The following SMTN variants were observed in gnomAD, a reference collection of about 807,000 sequenced individuals.
SMTN encodes smoothelin.
A neutral mutation model predicts 102.0 loss-of-function variants in SMTN; 58 were observed. The observed-to-expected ratio is 0.57, with a 90% CI of 0.46 to 0.71. The LOEUF (loss-of-function observed/expected upper bound fraction) is 0.71, where lower values mean the gene tolerates loss of function less well. SMTN is among the 30% of genes least tolerant of loss of function. SMTN has a pLI of 0.00. For synonymous variants in SMTN, 478 were observed against 497.9 expected (o/e 0.96, Z 0.53); for missense variants, 1,185 against 1,241.7 (o/e 0.95, Z 0.69).
At position 31,099,725 on chromosome 22, in the gene SMTN, A is replaced by G; in HGVS notation, c.2452-20A>G. 1.2e-6 allele frequency: 2 copies of G among 1,611,420 alleles called. No homozygotes were observed. The highest frequency in any genetic ancestry group is 1.7e-6 in the Non-Finnish European group (2 of 1,178,048). Reference sequence around the variant, plus strand: ...GGGAGTTGCCCCCAGGTTCCTGACCAGTCCTCCTACGGCTTATAGCACGTC... The same window carrying G: ...GGGAGTTGCCCCCAGGTTCCTGACCGGTCCTCCTACGGCTTATAGCACGTC... On this transcript the variant is annotated intron_variant, in intron 18 of 20. Transcript: ENST00000333137.
intron 15 of SMTN, 96 bp from the exon 16 acceptor site, chr22:31,097,173 G>A: frequency 6.7e-7 from 1 of 1,492,540 alleles, no homozygotes; most frequent in South Asian, 1.1e-5. Flanking sequence ...TCTCTTCTCT[G>A]CCTGCGGCTA....
chr22:31,073,262 C>CGCAT (rs2042050560), intron 1 of SMTN, among the ~76,000 whole-genome samples: 1 of 152,088 alleles, frequency 6.6e-6, no homozygotes. Flanking sequence ...TACACACGCA[C>CGCAT]GCACGCATGC....
chr22:31,076,574 T>C (rs1337741933), upstream of SMTN, among the ~76,000 whole-genome samples: 1 of 152,236 alleles, frequency 6.6e-6, no homozygotes, highest in Non-Finnish European at 1.5e-5. Context: ...TGGTATGCCA[T>C]AGGCACTCAA....
Position 31,090,886 on chromosome 22 carries a change from C to T in SMTN, c.937+7C>T. 6.2e-7 allele frequency: 1 copy of T among 1,613,882 alleles called. No homozygotes were observed. Among genetic ancestry groups the T allele is most frequent in the Non-Finnish European group, 8.5e-7 (1 of 1,179,856 alleles). ...CAACCAGCCCAGAACCGAGGTACTA[C>T]CTATTCTCACCCTGCCTAGGATCTG... On this transcript the variant is annotated splice_region_variant and intron_variant, in intron 9 of 20. Transcript: ENST00000333137.
Position 31,090,951 on chromosome 22 carries a change from T to C in SMTN, c.938-10T>C, listed in dbSNP as rs780602248. ...CACCCAGTTGCTGACAGCCCTCCTG[T>C]TCCTTCTAGAGTCCACCCCCCTTGC... On this transcript the variant is annotated splice_polypyrimidine_tract_variant and intron_variant, in intron 9 of 20. Coordinates refer to ENST00000333137, the MANE Select transcript of SMTN (RefSeq NM_134269.3). The C allele has an allele frequency of 8.7e-6, 14 of 1,612,808 alleles. No individual in the cohort carries two copies. The African/African-American group carries it at 1.7e-4, about 20-fold the overall frequency.
At position 31,099,902 on chromosome 22, in the gene SMTN, T is replaced by A. The variant is rs1157919340; in HGVS notation, c.2603+6T>A. ...GTGGCCTTCTCATCTGCGGAGTAAGTGTGGGCCCTGGCCCTGCTAATGTTG... is the reference window on the plus strand; with the variant it reads ...GTGGCCTTCTCATCTGCGGAGTAAGAGTGGGCCCTGGCCCTGCTAATGTTG... On this transcript the variant is annotated splice_donor_region_variant and intron_variant, in intron 19 of 20. Transcript: ENST00000333137. 1 of 1,613,476 alleles carries A rather than the reference T, an allele frequency of 6.2e-7. No homozygotes were observed. The highest frequency in any genetic ancestry group is 2.2e-5 in the East Asian group (1 of 44,886).
chr22:31,082,548 G>T, intron 1 of SMTN: 1 of 500,688 alleles, frequency 2.0e-6, no homozygotes, highest in South Asian at 1.5e-5. Flanking sequence ...GGGCAGGTCA[G>T]CTTCTGAAAG....
chr22:31,088,793 C>T lies in SMTN; in HGVS notation c.373+16C>T, dbSNP rs371447675. On this transcript the variant is annotated intron_variant, in intron 5 of 20. Coordinates refer to ENST00000333137, the MANE Select transcript of SMTN (RefSeq NM_134269.3). Reference sequence around the variant, plus strand: ...GAGATTGAGGGTATGTGGCCTGTCCCGGCCCCACCCCTGCCCTGCTGTCTG... The same window carrying T: ...GAGATTGAGGGTATGTGGCCTGTCCTGGCCCCACCCCTGCCCTGCTGTCTG... 1.4e-4 allele frequency: 231 copies of T among 1,611,022 alleles called. No homozygotes were observed. The highest frequency in any genetic ancestry group is 4.0e-4 in the Admixed American group (24 of 59,588).
chr22:31,084,987 C>T, intron 2 of SMTN: 2 of 1,470,420 alleles, frequency 1.4e-6, no homozygotes, highest in Non-Finnish European at 1.8e-6. Flanking sequence ...TCCGCCCGCC[C>T]TGCGCCCCAG....
Position 31,095,136 on chromosome 22 carries a change from C to G in SMTN, c.1633-167C>G, listed in dbSNP as rs1202739515. Among the ~76,000 whole-genome samples the G allele has an allele frequency of 6.6e-6, 1 of 152,236 alleles. No homozygotes were observed. The highest frequency in any genetic ancestry group is 1.5e-5 in the Non-Finnish European group (1 of 68,044). ...TACAACAAAACTGTCAGTGCCTCTTCCCTGACTGACGCTGACATGGCCATC... is the reference window on the plus strand; with the variant it reads ...TACAACAAAACTGTCAGTGCCTCTTGCCTGACTGACGCTGACATGGCCATC... On this transcript the variant is annotated intron_variant, in intron 11 of 20. Transcript: ENST00000333137. The surrounding 1 kb of genome is among the most constrained non-coding windows in gnomAD (Gnocchi z 4.1).
chr22:31,075,423 G>A (rs2042105027), intron 1 of SMTN, among the ~76,000 whole-genome samples: 1 of 152,188 alleles, frequency 6.6e-6, no homozygotes, highest in Non-Finnish European at 1.5e-5. Flanking sequence ...CAGGCGCGGT[G>A]TAATCCCAGC....
rs2043534089 is a variant in SMTN, at chr22:31,095,723, TC to T, written c.1861+115del. ...AGCTTAATAACTGCCCTACCCAGCT[TC>T]TCCTTCTCTAGACCCAGCAGTTCCC... is the stretch of plus-strand genomic sequence containing the variant. On this transcript the variant is annotated intron_variant, in intron 13 of 20. Coordinates refer to ENST00000333137, the MANE Select transcript of SMTN (RefSeq NM_134269.3). This position sits in a 1 kb window ranked among gnomAD's most constrained non-coding sequence, Gnocchi z 4.1. 1 of 879,682 alleles carries T rather than the reference TC, an allele frequency of 1.1e-6. No individual in the cohort carries two copies. Among genetic ancestry groups the T allele is most frequent in the African/African-American group, 1.7e-5 (1 of 59,916 alleles). 54.5% of individuals were successfully genotyped at this position (879,682 alleles called of 1,614,324 possible). A position where few individuals can be genotyped will look rare whatever the true frequency, so the allele number is the denominator to read the frequency against.
rs2044349072 is a variant in SMTN, at chr22:31,104,588, A to G, written c.*293A>G. 2 of 923,628 alleles carry G rather than the reference A, an allele frequency of 2.2e-6. No homozygotes were observed. The highest frequency in any genetic ancestry group is 1.6e-5 in the African/African-American group (1 of 61,080). 57.2% of individuals were successfully genotyped at this position (923,628 alleles called of 1,614,324 possible). ...TTGCGACACCCTCCCCCCCACATAC[A>G]CACGCAGCGTTTTGATAAATTATTG... On this transcript the variant is annotated 3_prime_UTR_variant, in exon 21 of 21. Coordinates refer to ENST00000333137, the MANE Select transcript of SMTN (RefSeq NM_134269.3).
At chr22:31,092,182 C>T (rs963150821) in intron 11 of SMTN, among the ~76,000 whole-genome samples, 1 of 152,226 alleles carries the variant, frequency 6.6e-6, no homozygotes. Context: ...GTGGTAAGGG[C>T]TTGCTCCCCT....
At chr22:31,084,925 A>T in intron 2 of SMTN, 1 of 1,341,192 alleles carries the variant, frequency 7.5e-7, no homozygotes, top group Middle Eastern at 2.8e-4. Flanking sequence ...GGGCGTCCCG[A>T]GCCGGGCTCC....
intron 1 of SMTN, among the ~76,000 whole-genome samples, chr22:31,069,440 T>G (rs1235936223): frequency 6.6e-6 from 1 of 152,212 alleles, no homozygotes; most frequent in Non-Finnish European, 1.5e-5. Flanking sequence ...AGATGGGGAT[T>G]GCCATGTGAA....
rs769982520 is a variant in SMTN, at chr22:31,090,223, CT to C, written c.865+44del. ...GGTAGTCACAGGCATCTTTCTTCCC[CT>C]CCCCCTGCCTCCCTTTCCCTGCCTA... On this transcript the variant is annotated intron_variant, in intron 8 of 20. Coordinates refer to ENST00000333137, the MANE Select transcript of SMTN (RefSeq NM_134269.3). 4.5e-5 allele frequency: 67 copies of C among 1,479,818 alleles called. 1 individual carries two copies. The Middle Eastern group carries it at 1.4e-3, about 32-fold the overall frequency. The allele number at this position is 1,479,818 out of a possible 1,614,324, so 91.7% of individuals were successfully genotyped here. A position where few individuals can be genotyped will look rare whatever the true frequency, so the allele number is the denominator to read the frequency against.
chr22:31,093,920 C>T (rs759782458), intron 11 of SMTN: 2 of 1,302,746 alleles, frequency 1.5e-6, no homozygotes, highest in Non-Finnish European at 2.1e-6. Flanking sequence ...TTGAGCCAGG[C>T]TCTGCCTCCT....
intron 2 of SMTN, among the ~76,000 whole-genome samples, chr22:31,086,741 T>A (rs1315433966): frequency 6.6e-6 from 1 of 151,888 alleles, no homozygotes; most frequent in Non-Finnish European, 1.5e-5. Flanking sequence ...TTTCAGGGGG[T>A]CTTCTCATAA....
Sources: allele counts gnomAD v4.1 joint callset (sites outside exome capture counted in the v4.1 genomes callset), GRCh38; gene constraint gnomAD v4.1.1; non-coding constraint Gnocchi (gnomAD v3.1); transcripts MANE v1.5; gene names NCBI Gene and HGNC (gene_info 2026-07-23, HGNC 2026-07-21).